Variants in COX11 observed in about 807,000 individuals in gnomAD.
The protein encoded by COX11 is cytochrome c oxidase copper chaperone COX11, also known as cytochrome c oxidase assembly protein COX11, mitochondrial.
In COX11, 18 loss-of-function variants were observed where a neutral mutation model predicts 29.4. That is an observed-to-expected ratio of 0.61 (90% CI 0.42 to 0.91). The LOEUF is 0.91. Ranked by LOEUF, COX11 falls within the 40% of genes least tolerant of loss-of-function variation. The probability of loss-of-function intolerance (pLI) is 0.00; values close to 1 mark genes in which losing one functional copy is unlikely to be tolerated. For synonymous variants in COX11, 131 were observed against 124.0 expected (o/e 1.06, Z -0.38); for missense variants, 312 against 346.0 (o/e 0.90, Z 0.78).
In COX11 at chr17:54,960,653, AATTCCAT is replaced by A. The variant is rs769984822; in HGVS notation, c.*2073_*2079del. 1.3e-6 allele frequency: 2 copies of A among 1,523,220 alleles called. No homozygotes were observed. The highest frequency in any genetic ancestry group is 1.1e-5 in the South Asian group (1 of 89,110). 94.4% of individuals were successfully genotyped at this position (1,523,220 alleles called of 1,614,324 possible). A position where few individuals can be genotyped will look rare whatever the true frequency, so the allele number is the denominator to read the frequency against. ...GTAAAGACTTCAACTTATACAACTT[AATTCCAT>A]ATTCCATATAATTTCAGTATAATTA... On this transcript the variant is annotated 3_prime_UTR_variant, in exon 4 of 4. Transcript: ENST00000299335.
chr17:54,952,392 C>G (rs1260885706), exon 1 of COX11: 2 of 151,776 alleles, frequency 1.3e-5, no homozygotes, highest in African/African-American at 4.8e-5. Flanking sequence ...ACTAAAAATA[C>G]AAAAATTAGG....
exon 1 of COX11, chr17:54,953,088 T>G (rs1279532568): frequency 2.6e-5 from 4 of 152,252 alleles, no homozygotes; most frequent in Admixed American, 2.6e-4. Context: ...GATCAAAAAC[T>G]CAGCTGGTGG....
At chr17:54,957,572 C>G (rs1048418021), downstream of COX11, 1 of 152,170 alleles carries the variant, frequency 6.6e-6, no homozygotes, top group Non-Finnish European at 1.5e-5. Context: ...ACTCTTTTAT[C>G]ACTGTGGTGG....
rs939225986 is a variant in COX11, at chr17:54,965,644, C to G, written c.367-792G>C. Among the ~76,000 whole-genome samples the G allele has an allele frequency of 2.0e-5, 3 of 152,078 alleles. No individual in the cohort carries two copies. The South Asian group carries it at 6.2e-4, about 32-fold the overall frequency. On this transcript the variant is annotated intron_variant, in intron 1 of 3. Coordinates refer to ENST00000299335, the MANE Select transcript of COX11 (RefSeq NM_004375.5). ...GAGATGGAGACCATCCTGGCTAACACAGTGAACCCCCGTCTCTATTAAAAA... is the reference window on the plus strand; with the variant it reads ...GAGATGGAGACCATCCTGGCTAACAGAGTGAACCCCCGTCTCTATTAAAAA...
Position 54,961,533 on chromosome 17 carries a change from G to T in COX11, c.*1200C>A. ...TTTAACTGCAGTGTCATGTTTCACAGGCCTTCCTACATTTAGAAATCGTCA... is the reference window on the plus strand; with the variant it reads ...TTTAACTGCAGTGTCATGTTTCACATGCCTTCCTACATTTAGAAATCGTCA... On this transcript the variant is annotated 3_prime_UTR_variant, in exon 4 of 4. Coordinates refer to ENST00000299335, the MANE Select transcript of COX11 (RefSeq NM_004375.5). The T allele has an allele frequency of 7.2e-7, 1 of 1,387,434 alleles. No homozygotes were observed. The highest frequency in any genetic ancestry group is 1.5e-5 in the African/African-American group (1 of 68,700). 85.9% of individuals were successfully genotyped at this position (1,387,434 alleles called of 1,614,324 possible).
rs199579556 is a variant in COX11, at chr17:54,963,316, T to C, written c.638A>G (p.Asn213Ser). Residue 213 changes from asparagine (N) to serine (S), a missense_variant, in exon 3 of 4, where the codon AAT (asparagine) becomes AGT (serine). This residue lies in a region of COX11 where 182 missense variants were observed against 240.0 expected (regional missense o/e 0.76). Coordinates refer to ENST00000299335, the MANE Select transcript of COX11 (RefSeq NM_004375.5). ...TACACTTTGATGTACCTGTATTTTA[T>C]TGAAATACTGTCCAGCTTCAAATGG... ...IVPFEAGQYFNKIQCFCFEEQ... is the reference protein window; with the variant it reads ...IVPFEAGQYFSKIQCFCFEEQ... The C allele has an allele frequency of 5.6e-6, 9 of 1,610,330 alleles. No individual in the cohort carries two copies. The highest frequency in any genetic ancestry group is 4.0e-5 in the African/African-American group (3 of 74,934).
exon 1 of COX11, chr17:54,952,116 G>C (rs1317047400): frequency 6.6e-6 from 1 of 152,160 alleles, no homozygotes; most frequent in Non-Finnish European, 1.5e-5. Context: ...TTCTAATCTG[G>C]AAGATACAAA....
chr17:54,963,192 TGTTTA>T, intron 3 of COX11, 109 bp downstream of exon 3: 1 of 1,187,584 alleles, frequency 8.4e-7, no homozygotes, highest in Non-Finnish European at 1.2e-6. Context: ...AATAGCTTGA[TGTTTA>T]GAAGAAATTC....
At chr17:54,962,944 A>T in intron 3 of COX11, 29 bp from the exon 4 acceptor site, 1 of 1,559,490 alleles carries the variant, frequency 6.4e-7, no homozygotes, top group Non-Finnish European at 8.8e-7. Context: ...TTTTAATAAC[A>T]TTTCTATTCT....
chr17:54,967,667 G>C (rs1250981112), intron 1 of COX11, among the ~76,000 whole-genome samples: 1 of 127,772 alleles, frequency 7.8e-6, no homozygotes, highest in Non-Finnish European at 1.5e-5. Context: ...ACAGGTTCCC[G>C]GGTGATGCTG....
chr17:54,967,693 G>GGC (rs1221087499), intron 1 of COX11, among the ~76,000 whole-genome samples: 2 of 150,088 alleles, frequency 1.3e-5, no homozygotes, highest in Non-Finnish European at 2.9e-5. Context: ...GCCGGTCCTG[G>GGC]GCGCCACACT....
downstream of COX11, among the ~76,000 whole-genome samples, chr17:54,955,433 T>C (rs2049451250): frequency 6.6e-6 from 1 of 152,146 alleles, no homozygotes; most frequent in African/African-American, 2.4e-5. Flanking sequence ...CCACCAAAAC[T>C]GCCCCCTTTG....
chr17:54,968,264 G>A lies in COX11; in HGVS notation c.366+17C>T. On this transcript the variant is annotated intron_variant, in intron 1 of 3. Coordinates refer to ENST00000299335, the MANE Select transcript of COX11 (RefSeq NM_004375.5). Reference sequence around the variant, plus strand: ...CTCTCGCGTCTGCGCCACCCTGCGGGCGGCGCCGGCCCCTACCTGGCAATA... The same window carrying A: ...CTCTCGCGTCTGCGCCACCCTGCGGACGGCGCCGGCCCCTACCTGGCAATA... The A allele has an allele frequency of 6.2e-7, 1 of 1,601,220 alleles. No individual in the cohort carries two copies. The highest frequency in any genetic ancestry group is 8.5e-7 in the Non-Finnish European group (1 of 1,175,552).
chr17:54,965,507 A>AT (rs2077201432), intron 1 of COX11, among the ~76,000 whole-genome samples: 1 of 152,136 alleles, frequency 6.6e-6, no homozygotes, highest in South Asian at 2.1e-4. Flanking sequence ...CATCAAGAGT[A>AT]TTTATGTCTG....
chr17:54,965,127 C>A (rs548069520), intron 1 of COX11, among the ~76,000 whole-genome samples: 1 of 152,256 alleles, frequency 6.6e-6, no homozygotes, highest in East Asian at 1.9e-4. Context: ...CTAGATAAGT[C>A]AACTATTATC....
At chr17:54,954,401 G>A (rs1436510281) in exon 1 of COX11, 1 of 152,226 alleles carries the variant, frequency 6.6e-6, no homozygotes, top group Non-Finnish European at 1.5e-5. Context: ...CATGCTCTGA[G>A]TGGCAACAGT....
downstream of COX11, chr17:54,958,003 T>C (rs998000979): frequency 2.0e-5 from 3 of 152,228 alleles, no homozygotes; most frequent in Non-Finnish European, 2.9e-5. Flanking sequence ...TAGAGAAAGC[T>C]TCAGGTAGCA....
chr17:54,964,551 G>T, intron 2 of COX11, 146 bp downstream of exon 2: 1 of 763,032 alleles, frequency 1.3e-6, no homozygotes, highest in Non-Finnish European at 2.1e-6. Flanking sequence ...TAAGTTACAT[G>T]ATAGTAAAAG....
At chr17:54,960,061 CAT>C (rs986431057), downstream of COX11, among the ~76,000 whole-genome samples, 11 of 151,986 alleles carry the variant, frequency 7.2e-5, no homozygotes, top group Admixed American at 1.3e-4. Flanking sequence ...TTTTAAGAGA[CAT>C]AGGAATTGCA....
Sources: gnomAD v4.1 joint callset for allele counts (sites outside exome capture counted in the v4.1 genomes callset) on GRCh38, gnomAD v4.1.1 for gene constraint, gnomAD v4.1.1 regional missense constraint, MANE v1.5 for transcripts, NCBI Gene and HGNC (gene_info 2026-07-23, HGNC 2026-07-21) for gene names.